Variants in DHRSX observed in about 807,000 individuals in gnomAD.
DHRSX encodes the protein dehydrogenase/reductase X-linked.
DHRSX carries 31 observed loss-of-function variants against 34.0 expected under a neutral mutation model. The ratio of observed to expected loss-of-function variants is 0.91; its 90% CI spans 0.69 to 1.23. DHRSX has a LOEUF of 1.23. DHRSX is among the 50% of genes most tolerant of loss of function. The probability of loss-of-function intolerance (pLI) is 0.00; values close to 1 mark genes in which losing one functional copy is unlikely to be tolerated. For missense variants in DHRSX, 414 were observed against 428.1 expected (o/e 0.97, Z 0.29); for synonymous variants, 201 against 183.8 (o/e 1.09, Z -0.76).
At chrX:2,420,447 A>T (rs1476994781) in intron 2 of DHRSX, among the ~76,000 whole-genome samples, 1 of 138,106 alleles carries the variant, frequency 7.2e-6, no homozygotes, top group Non-Finnish European at 1.6e-5. Context: ...ATAATAAAAT[A>T]AAATAAAGAG....
chrX:2,454,760 T>A (rs1368999440), intron 1 of DHRSX, among the ~76,000 whole-genome samples: 1 of 152,086 alleles, frequency 6.6e-6, no homozygotes, highest in Admixed American at 6.6e-5. Context: ...CGACGTCATG[T>A]AGACTGGATA....
At chrX:2,484,550 C>G (rs1367501376) in intron 1 of DHRSX, among the ~76,000 whole-genome samples, 3 of 152,118 alleles carry the variant, frequency 2.0e-5, no homozygotes, top group African/African-American at 7.2e-5. Flanking sequence ...CGAGCCAAAC[C>G]CTGCTGTTTT....
intron 6 of DHRSX, among the ~76,000 whole-genome samples, chrX:2,226,149 C>G (rs990061278): frequency 1.6e-4 from 25 of 152,144 alleles, no homozygotes; most frequent in Admixed American, 9.2e-4. Flanking sequence ...AGATGGAGAC[C>G]AAGCCCAGGT....
chrX:2,449,976 C>A (rs2044193969), intron 1 of DHRSX, among the ~76,000 whole-genome samples: 1 of 151,950 alleles, frequency 6.6e-6, no homozygotes, highest in Non-Finnish European at 1.5e-5. Context: ...CACAAATGCC[C>A]CCCTGCTCTT....
intron 4 of DHRSX, 71 bp downstream of exon 4, chrX:2,291,431 C>T (rs1321202126): frequency 5.9e-6 from 7 of 1,194,648 alleles, no homozygotes; most frequent in South Asian, 1.2e-5. Flanking sequence ...ACACTTCTCC[C>T]GCATGAAAGC....
At chrX:2,462,703 AT>A (rs1214910186) in intron 1 of DHRSX, among the ~76,000 whole-genome samples, 3 of 152,098 alleles carry the variant, frequency 2.0e-5, no homozygotes, top group African/African-American at 7.2e-5. Flanking sequence ...ATGACCAGGA[AT>A]TTTTTATAAG....
At chrX:2,248,842 A>G (rs1270236159) in intron 5 of DHRSX, among the ~76,000 whole-genome samples, 1 of 151,994 alleles carries the variant, frequency 6.6e-6, no homozygotes, top group Admixed American at 6.6e-5. Flanking sequence ...TCTTCCTCCA[A>G]TCCTATTCCT....
chrX:2,455,108 A>G (rs1252360930), intron 1 of DHRSX, among the ~76,000 whole-genome samples: 1 of 116,560 alleles, frequency 8.6e-6, no homozygotes, highest in Non-Finnish European at 1.7e-5. Flanking sequence ...GGGAAACCCC[A>G]TCTCAAAAAA....
intron 3 of DHRSX, among the ~76,000 whole-genome samples, chrX:2,358,723 T>C (rs1030848918): frequency 1.3e-5 from 2 of 152,148 alleles, no homozygotes; most frequent in African/African-American, 4.8e-5. Flanking sequence ...TTGCACAATA[T>C]TCCTTAGTTA....
At chrX:2,252,130 C>T (rs1172358396) in intron 5 of DHRSX, among the ~76,000 whole-genome samples, 2 of 151,942 alleles carry the variant, frequency 1.3e-5, no homozygotes, top group African/African-American at 2.4e-5. Flanking sequence ...CCCAGCTACT[C>T]GGGAGGCTGA....
rs780423970 is a variant in DHRSX, at chrX:2,360,455, T to G, written c.286+48290A>C. Among the ~76,000 whole-genome samples the G allele has an allele frequency of 4.6e-5, 7 of 152,032 alleles. No homozygotes were observed. The East Asian group carries it at 1.2e-3, about 25-fold the overall frequency. ...AAAATGAGCCAGGTGTGGTGGTGCG[T>G]GCCTGTAATCCCAGCTACTTGGGAG... On this transcript the variant is annotated intron_variant, in intron 3 of 6. Coordinates refer to ENST00000334651, the MANE Select transcript of DHRSX (RefSeq NM_145177.3).
intron 3 of DHRSX, among the ~76,000 whole-genome samples, chrX:2,361,286 T>C (rs1021605186): frequency 6.6e-6 from 1 of 152,108 alleles, no homozygotes; most frequent in Non-Finnish European, 1.5e-5. Flanking sequence ...TTTGTATTTT[T>C]AGTAGAGATG....
intron 3 of DHRSX, among the ~76,000 whole-genome samples, chrX:2,389,293 G>A (rs2043307698): frequency 6.6e-6 from 1 of 152,152 alleles, no homozygotes; most frequent in African/African-American, 2.4e-5. Flanking sequence ...GGAAAGAGAG[G>A]GAAAGGCTGG....
chrX:2,483,880 A>AT (rs1380411900), intron 1 of DHRSX, among the ~76,000 whole-genome samples: 3 of 151,772 alleles, frequency 2.0e-5, no homozygotes, highest in South Asian at 2.1e-4. Flanking sequence ...ACATTCGTAC[A>AT]TTTTTTTTCT....
rs371601367 is a variant in DHRSX, at chrX:2,285,956, C to T, written c.388+5546G>A. Among the ~76,000 whole-genome samples the T allele has an allele frequency of 1.3e-3, 205 of 152,320 alleles. 1 individual carries two copies. Among genetic ancestry groups the T allele is most frequent in the African/African-American group, 4.6e-3 (193 of 41,572 alleles). Reference sequence around the variant, plus strand: ...AGAATCCAGCCTTCTCATTTGCACACAACGAAGATGAATTCTGATGCATAA... The same window carrying T: ...AGAATCCAGCCTTCTCATTTGCACATAACGAAGATGAATTCTGATGCATAA... On this transcript the variant is annotated intron_variant, in intron 4 of 6. Coordinates refer to ENST00000334651, the MANE Select transcript of DHRSX (RefSeq NM_145177.3).
Position 2,453,772 on chromosome X carries a change from G to A in DHRSX, c.110-28468C>T, listed in dbSNP as rs749834218. Among the ~76,000 whole-genome samples the A allele has an allele frequency of 1.9e-3, 283 of 151,960 alleles. 1 individual carries two copies. The highest frequency in any genetic ancestry group is 6.4e-3 in the African/African-American group (267 of 41,450). ...GTGATGATAGTTAATAATACATCGCGTCTTTCACAATGACTAAAAGTAGAT... is the reference window on the plus strand; with the variant it reads ...GTGATGATAGTTAATAATACATCGCATCTTTCACAATGACTAAAAGTAGAT... On this transcript the variant is annotated intron_variant, in intron 1 of 6. Coordinates refer to ENST00000334651, the MANE Select transcript of DHRSX (RefSeq NM_145177.3).
At chrX:2,240,875 T>C (rs1405913269) in intron 6 of DHRSX, among the ~76,000 whole-genome samples, 6 of 152,000 alleles carry the variant, frequency 3.9e-5, no homozygotes, top group African/African-American at 7.3e-5. Flanking sequence ...CCCAGATACA[T>C]ATCACTTCAA....
chrX:2,476,176 C>G (rs1470476968), intron 1 of DHRSX, among the ~76,000 whole-genome samples: 1 of 152,030 alleles, frequency 6.6e-6, no homozygotes, highest in African/African-American at 2.4e-5. Flanking sequence ...TCACTTGAGG[C>G]CAGGAGTTTG....
chrX:2,342,669 C>G (rs1209124248), intron 3 of DHRSX, among the ~76,000 whole-genome samples: 1 of 152,172 alleles, frequency 6.6e-6, no homozygotes, highest in Non-Finnish European at 1.5e-5. Flanking sequence ...CAGTAGGTCA[C>G]TGACAGACTC....
Sources: allele counts gnomAD v4.1 joint callset (sites outside exome capture counted in the v4.1 genomes callset), GRCh38; gene constraint gnomAD v4.1.1; transcripts MANE v1.5; gene names NCBI Gene and HGNC (gene_info 2026-07-23, HGNC 2026-07-21).